The following SCHIP1 variants were observed in gnomAD, a reference collection of about 807,000 sequenced individuals.
The protein encoded by SCHIP1 is schwannomin interacting protein 1.
SCHIP1 carries 8 observed loss-of-function variants against 29.7 expected under a neutral mutation model. That is an observed-to-expected ratio of 0.27 (90% CI 0.16 to 0.49). The LOEUF is 0.49. Ranked by LOEUF, SCHIP1 falls within the 20% of genes least tolerant of loss-of-function variation. The probability of loss-of-function intolerance (pLI) is 0.99; values close to 1 mark genes in which losing one functional copy is unlikely to be tolerated. For synonymous variants in SCHIP1, 76 were observed against 94.9 expected, an observed-to-expected ratio of 0.80 and a Z score of 1.16; for missense variants, 193 against 294.6, an observed-to-expected ratio of 0.66 and a Z score of 2.52.
At chr3:159,496,052 T>C in the SCHIP1 span, among the ~76,000 whole-genome samples, 1 of 152,232 alleles carries the variant, frequency 6.6e-6, no homozygotes, top group Non-Finnish European at 1.5e-5. Context: ...GCTAGCCATA[T>C]GTAGAAAGCT....
At chr3:159,288,738 A>G in the SCHIP1 span, among the ~76,000 whole-genome samples, 1 of 152,214 alleles carries the variant, frequency 6.6e-6, no homozygotes, top group East Asian at 1.9e-4. Flanking sequence ...TGAAGAAAGA[A>G]AGAATCAATG....
the SCHIP1 span, among the ~76,000 whole-genome samples, chr3:159,734,576 T>A: frequency 6.6e-6 from 1 of 152,152 alleles, no homozygotes. Flanking sequence ...AGCCACTTAC[T>A]TTATCTGTGC....
chr3:159,439,653 C>T, the SCHIP1 span, among the ~76,000 whole-genome samples: 1 of 152,138 alleles, frequency 6.6e-6, no homozygotes, highest in Non-Finnish European at 1.5e-5. Flanking sequence ...AACTTTTTAT[C>T]ATATATTTGT....
At chr3:159,337,502 A>C in the SCHIP1 span, among the ~76,000 whole-genome samples, 2 of 152,206 alleles carry the variant, frequency 1.3e-5, no homozygotes, top group African/African-American at 4.8e-5. Context: ...GCAAAGTCTC[A>C]GGATACAAAA....
chr3:159,761,421 C>CT, the SCHIP1 span, among the ~76,000 whole-genome samples: 1 of 152,204 alleles, frequency 6.6e-6, no homozygotes, highest in Non-Finnish European at 1.5e-5. Flanking sequence ...AGAGACAAAT[C>CT]TAAGTCTGAA....
the SCHIP1 span, among the ~76,000 whole-genome samples, chr3:159,340,485 A>C: frequency 5.3e-5 from 8 of 152,170 alleles, no homozygotes; most frequent in African/African-American, 1.7e-4. Flanking sequence ...ATAAGAAATA[A>C]ATTCTAAAAA....
At chr3:159,698,440 CAAGGCCAAAAGAT>C in the SCHIP1 span, among the ~76,000 whole-genome samples, 8 of 152,050 alleles carry the variant, frequency 5.3e-5, no homozygotes. Flanking sequence ...ATCATTTGTG[CAAGGCCAAAAGAT>C]AAATTTCAAG....
the SCHIP1 span, among the ~76,000 whole-genome samples, chr3:159,427,580 G>T: frequency 6.6e-6 from 1 of 151,976 alleles, no homozygotes; most frequent in East Asian, 1.9e-4. Flanking sequence ...CCATGCTCAT[G>T]GGTAGGAAGA....
chr3:159,583,801 G>A, the SCHIP1 span, among the ~76,000 whole-genome samples: 49 of 152,094 alleles, frequency 3.2e-4, no homozygotes, highest in African/African-American at 9.7e-4. Context: ...CGTTAGTTTT[G>A]TGCATGTTTT....
chr3:159,882,109 G>A (rs1276944204), intron 2 of SCHIP1, among the ~76,000 whole-genome samples: 1 of 152,214 alleles, frequency 6.6e-6, no homozygotes, highest in Non-Finnish European at 1.5e-5. Flanking sequence ...CTCAATGGGA[G>A]AAGCTGCAGG....
At chr3:159,896,809 T>G (rs533491349) in exon 7 of SCHIP1, 1 of 1,584,206 alleles carries the variant, frequency 6.3e-7, no homozygotes, top group African/African-American at 1.4e-5. Flanking sequence ...AAGCTAGAAT[T>G]TATTTTGCTT....
chr3:159,504,124 G>T, the SCHIP1 span, among the ~76,000 whole-genome samples: 1 of 152,190 alleles, frequency 6.6e-6, no homozygotes, highest in African/African-American at 2.4e-5. Context: ...TAACAGAGGA[G>T]AGAGGACAGA....
chr3:159,309,558 C>A, the SCHIP1 span, among the ~76,000 whole-genome samples: 1 of 151,752 alleles, frequency 6.6e-6, no homozygotes, highest in Admixed American at 6.6e-5. Flanking sequence ...GATGGTGTTG[C>A]CTGGTCCTTT....
At chr3:159,614,107 A>G in the SCHIP1 span, among the ~76,000 whole-genome samples, 2 of 152,198 alleles carry the variant, frequency 1.3e-5, no homozygotes, top group South Asian at 4.1e-4. Flanking sequence ...GCTTAAAGTC[A>G]CCTAGGAAAT....
intron 1 of SCHIP1, among the ~76,000 whole-genome samples, chr3:159,849,007 C>A (rs1712214394): frequency 6.6e-6 from 1 of 151,938 alleles, no homozygotes; most frequent in African/African-American, 2.4e-5. Flanking sequence ...GTTTCAGGAG[C>A]AGATGTTCTA....
chr3:159,286,317 A>G, the SCHIP1 span, among the ~76,000 whole-genome samples: 1 of 152,202 alleles, frequency 6.6e-6, no homozygotes, highest in Non-Finnish European at 1.5e-5. Flanking sequence ...AAGTGAGAAC[A>G]TGTGGTATAT....
chr3:159,836,605 C>G (rs1743682909), upstream of SCHIP1, among the ~76,000 whole-genome samples: 1 of 152,110 alleles, frequency 6.6e-6, no homozygotes, highest in Non-Finnish European at 1.5e-5. Context: ...CCACAACTTT[C>G]TTAGACCTTG....
chr3:159,818,096 A>T, the SCHIP1 span, among the ~76,000 whole-genome samples: 2 of 152,188 alleles, frequency 1.3e-5, no homozygotes, highest in Non-Finnish European at 2.9e-5. Context: ...CAAAGCCAGC[A>T]TATCTTACAC....
At chr3:159,840,728 C>T (rs1744142887) in intron 1 of SCHIP1, among the ~76,000 whole-genome samples, 1 of 152,094 alleles carries the variant, frequency 6.6e-6, no homozygotes, top group Non-Finnish European at 1.5e-5. Context: ...TGTGTCTTTC[C>T]GAACTTATTT....
Sources: gnomAD v4.1 joint callset for allele counts (sites outside exome capture counted in the v4.1 genomes callset) on GRCh38, gnomAD v4.1.1 for gene constraint, MANE v1.5 for transcripts, NCBI Gene and HGNC (gene_info 2026-07-23, HGNC 2026-07-21) for gene names.